The following ZNF730 variants were observed in gnomAD, a reference collection of about 807,000 sequenced individuals.
ZNF730 encodes putative zinc finger protein 730.
Under a neutral mutation model 12.6 loss-of-function variants are expected in ZNF730, and 12 were observed. That is an observed-to-expected ratio of 0.95 (90% confidence interval 0.61 to 1.54). The LOEUF (loss-of-function observed/expected upper bound fraction) is 1.54, where lower values mean the gene tolerates loss of function less well. Among genes scored for constraint, ZNF730 ranks in the 40% most tolerant of loss-of-function variants. The pLI, the probability that ZNF730 is intolerant of heterozygous loss-of-function variation, is 0.00. For missense variants in ZNF730, 643 were observed against 583.5 expected (o/e 1.10, Z -1.05); for synonymous variants, 194 against 195.8 (o/e 0.99, Z 0.08).
chr19:23,094,602 T>C (rs1042326932), intron 1 of ZNF730, among the ~76,000 whole-genome samples: 4 of 152,138 alleles, frequency 2.6e-5, no homozygotes, highest in African/African-American at 7.2e-5. Context: ...GCCTCCCAAG[T>C]ATCTGGGATT....
At chr19:23,111,759 AAGAT>A (rs976279483) in intron 1 of ZNF730, among the ~76,000 whole-genome samples, 4 of 152,080 alleles carry the variant, frequency 2.6e-5, no homozygotes, top group African/African-American at 9.7e-5. Context: ...AAAAAAAAAA[AAGAT>A]AGATACAGTA....
intron 3 of ZNF730, among the ~76,000 whole-genome samples, chr19:23,137,161 C>A (rs376968190): frequency 6.6e-5 from 10 of 152,176 alleles, no homozygotes; most frequent in African/African-American, 2.2e-4. Context: ...GAGAGTGAGA[C>A]TCTGTCAAAA....
At chr19:23,134,477 G>A (rs534319834) in intron 2 of ZNF730, among the ~76,000 whole-genome samples, 1 of 147,808 alleles carries the variant, frequency 6.8e-6, no homozygotes, top group South Asian at 2.1e-4. Flanking sequence ...GGGAGGTGGG[G>A]GGGCCAGCCC....
chr19:23,126,766 G>T (rs911891461), intron 1 of ZNF730: 21 of 486,594 alleles, frequency 4.3e-5, no homozygotes, highest in Non-Finnish European at 8.1e-5. Context: ...CTACATAATT[G>T]TTGGGAAGTT....
intron 3 of ZNF730, among the ~76,000 whole-genome samples, chr19:23,140,336 G>A (rs529541143): frequency 4.9e-4 from 75 of 152,082 alleles, no homozygotes; most frequent in African/African-American, 1.8e-3. Context: ...TAGATTGGTT[G>A]TGGTGGCTCG....
intron 1 of ZNF730, among the ~76,000 whole-genome samples, chr19:23,110,622 A>C (rs1274455494): frequency 6.6e-6 from 1 of 152,200 alleles, no homozygotes; most frequent in African/African-American, 2.4e-5. Flanking sequence ...TTAATGGTCT[A>C]ATTCTAATGC....
chr19:23,107,475 A>AAAAAAAAAAAAAAAAC, intron 1 of ZNF730, among the ~76,000 whole-genome samples: 1 of 118,934 alleles, frequency 8.4e-6, no homozygotes, highest in Non-Finnish European at 1.8e-5. Flanking sequence ...AAAAAAAAAA[A>AAAAAAAAAAAAAAAAC]CCACCACAGC....
intron 1 of ZNF730, among the ~76,000 whole-genome samples, chr19:23,120,734 A>G (rs1178226428): frequency 6.6e-6 from 1 of 152,074 alleles, no homozygotes. Flanking sequence ...GTCTTCTGCT[A>G]GCTTAGGAGT....
At chr19:23,137,816 TG>T in intron 3 of ZNF730, among the ~76,000 whole-genome samples, 1 of 152,346 alleles carries the variant, frequency 6.6e-6, no homozygotes, top group South Asian at 2.1e-4. Context: ...GGGTCTTCAC[TG>T]GGGTCCAACT....
chr19:23,085,836 C>CTTTTTTTTTTTTTTTTTTTTTTTTTTTTT (rs556123915), intron 1 of ZNF730, among the ~76,000 whole-genome samples: 2 of 54,806 alleles, frequency 3.6e-5, no homozygotes, highest in African/African-American at 1.7e-4. Flanking sequence ...ATTTTTTTTT[C>CTTTTTTTTTTTTTTTTTTTTTTTTTTTTT]TTTTTTTTTT....
chr19:23,144,029 T>C (rs1250854932), intron 3 of ZNF730: 1 of 152,138 alleles, frequency 6.6e-6, no homozygotes, highest in East Asian at 1.9e-4. Context: ...TATTTTTTAA[T>C]TTTTTCAATA....
At chr19:23,125,925 C>G (rs1477653489) in intron 1 of ZNF730, 2 of 152,348 alleles carry the variant, frequency 1.3e-5, no homozygotes, top group Non-Finnish European at 2.9e-5. Flanking sequence ...AAAACTCTCA[C>G]TGTTATTGCT....
At chr19:23,141,890 T>G (rs995537203) in intron 3 of ZNF730, among the ~76,000 whole-genome samples, 22 of 146,002 alleles carry the variant, frequency 1.5e-4, no homozygotes, top group Non-Finnish European at 2.7e-4. Context: ...TTGTCTGTTT[T>G]CTTACTAATA....
intron 1 of ZNF730, among the ~76,000 whole-genome samples, chr19:23,096,764 T>C (rs1431477990): frequency 1.3e-5 from 2 of 152,216 alleles, no homozygotes; most frequent in Non-Finnish European, 2.9e-5. Flanking sequence ...GCTCTATGGA[T>C]TGGGCTTTGG....
chr19:23,080,989 G>T (rs1248057203), intron 1 of ZNF730, among the ~76,000 whole-genome samples: 3 of 151,524 alleles, frequency 2.0e-5, no homozygotes, highest in Non-Finnish European at 4.4e-5. Flanking sequence ...GGGATTACAG[G>T]TGCACGCCAC....
chr19:23,145,558 C>A lies in ZNF730; in HGVS notation c.514C>A (p.Pro172Thr), dbSNP rs1209447540. Residue 172 changes from proline (P) to threonine (T), a missense_variant, in exon 4 of 4, where the codon CCT becomes ACT. By Grantham distance (38) the Pro-to-Thr change is conservative. Coordinates refer to ENST00000597761, the MANE Select transcript of ZNF730 (RefSeq NM_001277403.2). ...TAAGATAAGACATACTTCGAAGAAA[C>A]CTTTCAAATGTAAAGAATGTGGAAA... ...RHKIRHTSKKPFKCKECGKLF... is the reference protein window; with the variant it reads ...RHKIRHTSKKTFKCKECGKLF... The A allele has an allele frequency of 6.5e-6, 10 of 1,550,074 alleles. No individual in the cohort carries two copies. The highest frequency in any genetic ancestry group is 2.7e-5 in the African/African-American group (2 of 72,784).
At chr19:23,079,283 C>T (rs1432602975) in intron 1 of ZNF730, among the ~76,000 whole-genome samples, 3 of 151,978 alleles carry the variant, frequency 2.0e-5, no homozygotes, top group African/African-American at 7.2e-5. Context: ...TCAGCCCCCT[C>T]AGTAGCTAGG....
chr19:23,129,280 A>T (rs1164046019), intron 1 of ZNF730, among the ~76,000 whole-genome samples: 1 of 152,158 alleles, frequency 6.6e-6, no homozygotes, highest in Non-Finnish European at 1.5e-5. Context: ...AGATCCACTG[A>T]CAGCTTGCAC....
At chr19:23,115,067 A>G (rs1599586245), upstream of ZNF730, among the ~76,000 whole-genome samples, 1 of 152,050 alleles carries the variant, frequency 6.6e-6, no homozygotes, top group Admixed American at 6.6e-5. Flanking sequence ...GGTGTGAACC[A>G]CCATGTGCTT....
Sources: gnomAD v4.1 joint callset for allele counts (sites outside exome capture counted in the v4.1 genomes callset) on GRCh38, gnomAD v4.1.1 for gene constraint, MANE v1.5 for transcripts, NCBI Gene and HGNC (gene_info 2026-07-23, HGNC 2026-07-21) for gene names.